IMMP2L: variants seen among roughly 807,000 people sequenced by gnomAD.
IMMP2L encodes the protein inner mitochondrial membrane peptidase subunit 2.
IMMP2L carries 18 observed loss-of-function variants against 19.3 expected under a neutral mutation model. The ratio of observed to expected loss-of-function variants is 0.93; its 90% CI spans 0.64 to 1.38. The LOEUF (loss-of-function observed/expected upper bound fraction) is 1.38. Ranked by LOEUF, IMMP2L falls within the 40% of genes most tolerant of loss-of-function variation. The pLI is 0.00. For synonymous variants in IMMP2L, 76 were observed against 73.0 expected (o/e 1.04, Z -0.21); for missense variants, 233 against 218.2 (o/e 1.07, Z -0.43).
chr7:110,974,606 T>C (rs552662657), intron 3 of IMMP2L, among the ~76,000 whole-genome samples: 12 of 152,086 alleles, frequency 7.9e-5, no homozygotes, highest in Non-Finnish European at 1.6e-4. Flanking sequence ...TTATCAGTTC[T>C]TTCTCACCGC....
At chr7:111,369,750 CT>C (rs1340304823) in intron 3 of IMMP2L, among the ~76,000 whole-genome samples, 1 of 151,858 alleles carries the variant, frequency 6.6e-6, no homozygotes, top group Non-Finnish European at 1.5e-5. Context: ...AGCAATGAGA[CT>C]TTGTTCTTCT....
chr7:110,902,479 A>ATATATATATATATATATAT (rs1811978073), intron 4 of IMMP2L, among the ~76,000 whole-genome samples: 3 of 140,554 alleles, frequency 2.1e-5, no homozygotes, highest in African/African-American at 8.1e-5. Context: ...TGAATGATAA[A>ATATATATATATATATATAT]ATATATATAT....
At chr7:111,135,866 CCA>C (rs1426600881) in intron 3 of IMMP2L, among the ~76,000 whole-genome samples, 1 of 151,994 alleles carries the variant, frequency 6.6e-6, no homozygotes, top group Non-Finnish European at 1.5e-5. Context: ...CTAGAGCTGC[CCA>C]CACTTTCAAG....
chr7:111,441,159 T>A (rs574709169), intron 3 of IMMP2L, among the ~76,000 whole-genome samples: 1 of 151,908 alleles, frequency 6.6e-6, no homozygotes, highest in East Asian at 1.9e-4. Flanking sequence ...CATCCATTTA[T>A]TCACTGGAGT....
At chr7:110,762,826 T>C (rs1798431440) in intron 5 of IMMP2L, among the ~76,000 whole-genome samples, 1 of 152,090 alleles carries the variant, frequency 6.6e-6, no homozygotes. Flanking sequence ...AAATAAAAGA[T>C]AATGTTCGGA....
At chr7:111,531,150 T>C (rs934437064) in intron 1 of IMMP2L, among the ~76,000 whole-genome samples, 5 of 151,920 alleles carry the variant, frequency 3.3e-5, no homozygotes, top group Admixed American at 3.3e-4. Flanking sequence ...AGAAACAGGG[T>C]TTCACCATGT....
At chr7:111,315,693 G>C (rs1241058622) in intron 3 of IMMP2L, among the ~76,000 whole-genome samples, 1 of 146,530 alleles carries the variant, frequency 6.8e-6, no homozygotes, top group African/African-American at 2.5e-5. Flanking sequence ...GTCCATTTAA[G>C]CAAACAACAC....
At chr7:111,254,829 T>C (rs77522136) in intron 3 of IMMP2L, among the ~76,000 whole-genome samples, 1,802 of 152,198 alleles carry the variant, frequency 0.012, 15 homozygotes, top group Non-Finnish European at 0.017. Flanking sequence ...CAAAGCCACA[T>C]ATAACTGTGC....
intron 3 of IMMP2L, among the ~76,000 whole-genome samples, chr7:111,301,264 T>C (rs1244580923): frequency 6.6e-6 from 1 of 152,164 alleles, no homozygotes; most frequent in African/African-American, 2.4e-5. Context: ...AAGTTTCTTC[T>C]TGTCTTTTGT....
At chr7:110,766,581 T>TAA (rs772192515) in intron 5 of IMMP2L, among the ~76,000 whole-genome samples, 10 of 96,762 alleles carry the variant, frequency 1.0e-4, no homozygotes, top group Non-Finnish European at 1.5e-4. Flanking sequence ...AGACTTCATT[T>TAA]AAAAAAAAAA....
At chr7:111,554,243 T>C (rs1013343085) in intron 1 of IMMP2L, among the ~76,000 whole-genome samples, 23 of 152,134 alleles carry the variant, frequency 1.5e-4, no homozygotes, top group Admixed American at 1.4e-3. Flanking sequence ...CCAGTGTTGG[T>C]AAATTCACAG....
chr7:110,900,839 C>T (rs561866216), intron 4 of IMMP2L, among the ~76,000 whole-genome samples: 6 of 152,088 alleles, frequency 3.9e-5, no homozygotes, highest in African/African-American at 1.2e-4. Context: ...TGGTGGGAGG[C>T]GGTATGTGTG....
rs1847739312 is a variant in IMMP2L at position 111,534,867 on chromosome 7, C to T, written c.-2-13418G>A. 2.6e-5 allele frequency among the ~76,000 whole-genome samples: 4 copies of T among 152,048 alleles called. No individual in the cohort carries two copies. The South Asian group carries it at 8.3e-4, about 32-fold the overall frequency. ...ACGAAGAAATGCAAAGATATTTTCC[C>T]CTGTGTTTAAAATAGAATAAAATCA... is the stretch of plus-strand genomic sequence containing the variant. On this transcript the variant is annotated intron_variant, in intron 1 of 5. Transcript: ENST00000405709.
intron 4 of IMMP2L, among the ~76,000 whole-genome samples, chr7:110,913,822 C>T (rs146014919): frequency 6.6e-6 from 1 of 152,146 alleles, no homozygotes; most frequent in Non-Finnish European, 1.5e-5. Flanking sequence ...TCAGAGGGTG[C>T]AAAATGAGGA....
intron 5 of IMMP2L, among the ~76,000 whole-genome samples, chr7:110,765,219 T>A (rs1798587283): frequency 6.6e-6 from 1 of 152,148 alleles, no homozygotes; most frequent in Non-Finnish European, 1.5e-5. Context: ...TTTCTCCTCA[T>A]AAAATATTCT....
At chr7:110,745,644 C>G (rs1382738682) in intron 5 of IMMP2L, among the ~76,000 whole-genome samples, 4 of 152,116 alleles carry the variant, frequency 2.6e-5, no homozygotes, top group African/African-American at 9.7e-5. Flanking sequence ...TCATATCCAG[C>G]CAAACTAAGC....
chr7:111,276,545 G>A (rs753790724), intron 3 of IMMP2L, among the ~76,000 whole-genome samples: 3 of 150,126 alleles, frequency 2.0e-5, no homozygotes, highest in African/African-American at 4.9e-5. Flanking sequence ...TTATTATTTG[G>A]TAGAATTCAG....
chr7:111,403,747 G>T (rs1195175810), intron 3 of IMMP2L, among the ~76,000 whole-genome samples: 1 of 152,046 alleles, frequency 6.6e-6, no homozygotes, highest in Non-Finnish European at 1.5e-5. Context: ...AAAGAATCCT[G>T]CAGAGGATTG....
At chr7:110,822,379 C>T (rs1425033623) in intron 5 of IMMP2L, among the ~76,000 whole-genome samples, 1 of 152,082 alleles carries the variant, frequency 6.6e-6, no homozygotes, top group Non-Finnish European at 1.5e-5. Context: ...TTCATTTCTT[C>T]TGAGACTACA....
Sources: gnomAD v4.1 joint callset for allele counts (sites outside exome capture counted in the v4.1 genomes callset) on GRCh38, gnomAD v4.1.1 for gene constraint, MANE v1.5 for transcripts, NCBI Gene and HGNC (gene_info 2026-07-23, HGNC 2026-07-21) for gene names.